MATN1: variants seen among roughly 807,000 people sequenced by gnomAD.
MATN1 encodes the protein matrilin 1.
In MATN1, 34 loss-of-function variants were observed where a neutral mutation model predicts 41.3. The observed-to-expected ratio is 0.82, with a 90% confidence interval of 0.63 to 1.10. The LOEUF is 1.10. Ranked by LOEUF, MATN1 falls within the 50% of genes least tolerant of loss-of-function variation. The pLI is 0.00. For missense variants in MATN1, 602 were observed against 662.4 expected, an observed-to-expected ratio of 0.91 and a Z score of 1.00; for synonymous variants, 264 against 278.7, an observed-to-expected ratio of 0.95 and a Z score of 0.53.
rs189573174 is a variant in MATN1 at position 30,715,015 on chromosome 1, G to A, written c.1360+142C>T. 1.2e-3 allele frequency: 1,089 copies of A among 902,900 alleles called. 6 individuals carry two copies. In the African/African-American group the frequency reaches 0.016, roughly 14 times the overall value. 55.9% of individuals were successfully genotyped at this position (902,900 alleles called of 1,614,324 possible). On this transcript the variant is annotated intron_variant, in intron 6 of 7. Coordinates refer to ENST00000373765, the MANE Select transcript of MATN1 (RefSeq NM_002379.3). ...TTTGCTGGTAGTAAGAGCTGTAAGC[G>A]CCAGCCCACCTTCTGGTTCTGCCAA...
chr1:30,721,770 G>C lies in MATN1; in HGVS notation c.95-19C>G, dbSNP rs757539754. On this transcript the variant is annotated intron_variant, in intron 1 of 7. Coordinates refer to ENST00000373765, the MANE Select transcript of MATN1 (RefSeq NM_002379.3). ...AGATGGCCTGGGAGTGGGGCAGGAG[G>C]GGTAAGGCAGAGAGCAGAGACACAG... 1 of 1,588,806 alleles carries C rather than the reference G, an allele frequency of 6.3e-7. No homozygotes were observed. Among genetic ancestry groups the C allele is most frequent in the South Asian group, 1.1e-5 (1 of 90,092 alleles).
At chr1:30,714,399 A>G (rs1639590976) in intron 6 of MATN1, 72 bp from the exon 7 acceptor site, 1 of 1,259,488 alleles carries the variant, frequency 7.9e-7, no homozygotes, top group African/African-American at 1.5e-5. Flanking sequence ...GAGGACAGTC[A>G]CTGCCCAGGG....
Position 30,715,168 on chromosome 1 carries a change from T to G in MATN1, c.1349A>C (p.Lys450Thr). 6.2e-7 allele frequency: 1 copy of G among 1,614,098 alleles called. No individual in the cohort carries two copies. Among genetic ancestry groups the G allele is most frequent in the Non-Finnish European group, 8.5e-7 (1 of 1,179,940 alleles). Residue 450 changes from lysine (K) to threonine (T), a missense_variant, in exon 6 of 8, where the codon AAG (lysine) becomes ACG (threonine). Physicochemically the swap from Lys to Thr is moderately conservative, Grantham distance 78 (BLOSUM62 -1). Transcript: ENST00000373765. ...INQIGKKLQK[K>T]ICVEEDPCAC... ...CTGGCCTCACTCACCCACACAGATC[T>G]TCTTCTGCAACTTCTTGCCTATCTG...
Position 30,719,364 on chromosome 1 carries a change from G to A in MATN1, c.442-407C>T, listed in dbSNP as rs375474545. The A allele has an allele frequency of 4.0e-4, 79 of 199,800 alleles. 1 individual carries two copies. Among genetic ancestry groups the A allele is most frequent in the African/African-American group, 1.8e-3 (77 of 43,254 alleles). 12.4% of individuals were successfully genotyped at this position (199,800 alleles called of 1,614,324 possible). On this transcript the variant is annotated intron_variant, in intron 2 of 7. Coordinates refer to ENST00000373765, the MANE Select transcript of MATN1 (RefSeq NM_002379.3). Reference sequence around the variant, plus strand: ...CGGGGCTGGGTGGGGGGATCCGGTGGTTCCACATGGTGCAGTTCTGCGCTT... The same window carrying A: ...CGGGGCTGGGTGGGGGGATCCGGTGATTCCACATGGTGCAGTTCTGCGCTT...
At chr1:30,713,762 C>T (rs534231797) in intron 7 of MATN1, 131 bp from the exon 8 acceptor site, 1 of 746,158 alleles carries the variant, frequency 1.3e-6, no homozygotes, top group African/African-American at 1.7e-5. Flanking sequence ...TATCCATCCA[C>T]TGTCCTCAGA....
intron 3 of MATN1, among the ~76,000 whole-genome samples, chr1:30,717,381 T>C (rs754978433): frequency 2.0e-5 from 3 of 152,156 alleles, no homozygotes; most frequent in Non-Finnish European, 2.9e-5. Context: ...GATCCTGTCC[T>C]ACTGGACACC....
rs1313803150 is a variant in MATN1, at chr1:30,712,709, C to G, written c.*873G>C. 1 of 152,226 alleles carries G rather than the reference C, an allele frequency of 6.6e-6. No homozygotes were observed. Among genetic ancestry groups the G allele is most frequent in the Admixed American group, 6.5e-5 (1 of 15,280 alleles). The allele number at this position is 152,226 out of a possible 1,614,324, so 9.4% of individuals were successfully genotyped here. A position where few individuals can be genotyped will look rare whatever the true frequency, so the allele number is the denominator to read the frequency against. On this transcript the variant is annotated 3_prime_UTR_variant, in exon 8 of 8. Transcript: ENST00000373765. ...GTCTGTCTCATACAGCACCATCCCC[C>G]CCCACCGCCATTGCCCTGTAAGTAC...
chr1:30,717,641 G>GTTTT lies in MATN1; in HGVS notation c.665-727_665-726insAAAA, dbSNP rs1557450696. The stretch of plus-strand genomic sequence containing the variant: ...GGGCTCTGTTGTTTTTTGTGTGTGC[G>GTTTT]GTTTTTTTTTTTGTTTTGTTTTTTT... On this transcript the variant is annotated intron_variant, in intron 3 of 7. Transcript: ENST00000373765. Among the ~76,000 whole-genome samples the GTTTT allele has an allele frequency of 2.7e-3, 364 of 136,766 alleles. 4 individuals are homozygous for GTTTT. The highest frequency in any genetic ancestry group is 0.01 in the African/African-American group (348 of 33,862). 89.7% of individuals were successfully genotyped at this position (136,766 alleles called of 152,430 possible).
Position 30,713,295 on chromosome 1 carries a change from C to T in MATN1, c.*287G>A. The T allele has an allele frequency of 2.3e-6, 1 of 434,168 alleles. No homozygotes were observed. The highest frequency in any genetic ancestry group is 3.4e-5 in the East Asian group (1 of 29,496). 26.9% of individuals were successfully genotyped at this position (434,168 alleles called of 1,614,324 possible). A position where few individuals can be genotyped will look rare whatever the true frequency, so the allele number is the denominator to read the frequency against. ...GCTTTTGATTATAAAAATGCAAACG[C>T]AGTCCCTCTCACACTCACCCCTGCA... On this transcript the variant is annotated 3_prime_UTR_variant, in exon 8 of 8. Coordinates refer to ENST00000373765, the MANE Select transcript of MATN1 (RefSeq NM_002379.3).
chr1:30,715,633 T>C (rs1004322158), intron 5 of MATN1, among the ~76,000 whole-genome samples: 1 of 152,160 alleles, frequency 6.6e-6, no homozygotes, highest in African/African-American at 2.4e-5. Context: ...CAAAGTAGAG[T>C]TGCCTTCCAA....
Position 30,721,517 on chromosome 1 carries a change from C to T in MATN1, c.329G>A (p.Arg110His), listed in dbSNP as rs753382455. 32 of 1,613,118 alleles carry T rather than the reference C, an allele frequency of 2.0e-5. No individual in the cohort carries two copies. The highest frequency in any genetic ancestry group is 1.6e-4 in the Middle Eastern group (1 of 6,084). Residue 110 changes from arginine (R) to histidine (H), a missense_variant, in exon 2 of 8, where the codon CGT becomes CAT. Arg to His is a conservative substitution (Grantham distance 29, BLOSUM62 0). Transcript: ENST00000373765. The part of the protein sequence containing the change: ...SKAALLQAVR[R>H]IQPLSTGTMT... ...GGTGCCTGTGGACAGCGGCTGGATA[C>T]GGCGCACAGCCTGCAGCAGTGCGGC... is the stretch of plus-strand genomic sequence containing the variant.
At chr1:30,717,164 C>G (rs1639628597) in intron 3 of MATN1, among the ~76,000 whole-genome samples, 1 of 152,226 alleles carries the variant, frequency 6.6e-6, no homozygotes, top group South Asian at 2.1e-4. Flanking sequence ...AGGTAAAGGC[C>G]AAGGGTTAGG....
At chr1:30,718,675 G>C (rs925884205) in intron 3 of MATN1, 60 bp downstream of exon 3, 113 of 1,021,318 alleles carry the variant, frequency 1.1e-4, no homozygotes, top group Non-Finnish European at 1.2e-4. Context: ...CCCTGGCCCC[G>C]CCCCGCCGCT....
intron 1 of MATN1, 44 bp from the exon 2 acceptor site, chr1:30,721,795 G>C (rs372828701): frequency 1.2e-4 from 189 of 1,513,866 alleles, no homozygotes; most frequent in Non-Finnish European, 1.5e-4. Flanking sequence ...CAGAGACACA[G>C]GTCAGGGACT....
In MATN1 at chr1:30,715,152, C is replaced by A. The variant is rs371995903; in HGVS notation, c.1360+5G>T. On this transcript the variant is annotated splice_donor_5th_base_variant and intron_variant, in intron 6 of 7. Coordinates refer to ENST00000373765, the MANE Select transcript of MATN1 (RefSeq NM_002379.3). Reference sequence around the variant, plus strand: ...CCCATCAATGCCAGCCCTGGCCTCACTCACCCACACAGATCTTCTTCTGCA... The same window carrying A: ...CCCATCAATGCCAGCCCTGGCCTCAATCACCCACACAGATCTTCTTCTGCA... 6.2e-7 allele frequency: 1 copy of A among 1,614,036 alleles called. No homozygotes were observed. The highest frequency in any genetic ancestry group is 2.2e-5 in the East Asian group (1 of 44,880).
At chr1:30,713,935 C>T (rs1639585621) in intron 7 of MATN1, 6 of 578,956 alleles carry the variant, frequency 1.0e-5, no homozygotes, top group South Asian at 4.2e-5. Flanking sequence ...GGGTCAGGCA[C>T]GTCACCATGA....
In MATN1 at chr1:30,718,825, C is replaced by A; in HGVS notation, c.574G>T (p.Ala192Ser). The A allele has an allele frequency of 6.2e-7, 1 of 1,609,578 alleles. No homozygotes were observed. Among genetic ancestry groups the A allele is most frequent in the Non-Finnish European group, 8.5e-7 (1 of 1,178,856 alleles). The part of the protein sequence containing the change: ...SVDKATLRQI[A>S]SEPQDEHVDY... ...ACGTGTTCGTCCTGCGGCTCGCTGG[C>A]GATCTGCCGCAGCGTGGCCTTGTCC... The change falls in exon 3 of 8, where the codon GCC (alanine) becomes TCC (serine). Residue 192 changes from alanine to serine, a missense_variant. Transcript: ENST00000373765.
At chr1:30,718,297 G>C (rs1369759120) in intron 3 of MATN1, among the ~76,000 whole-genome samples, 1 of 149,522 alleles carries the variant, frequency 6.7e-6, no homozygotes, top group East Asian at 2.0e-4. Flanking sequence ...CTCAGTCTCT[G>C]CGCCTGCCAC....
Position 30,721,387 on chromosome 1 carries a change from A to T in MATN1, c.441+18T>A. The T allele has an allele frequency of 6.3e-7, 1 of 1,591,198 alleles. No individual in the cohort carries two copies. The highest frequency in any genetic ancestry group is 8.6e-7 in the Non-Finnish European group (1 of 1,163,348). On this transcript the variant is annotated intron_variant, in intron 2 of 7. Coordinates refer to ENST00000373765, the MANE Select transcript of MATN1 (RefSeq NM_002379.3). The stretch of plus-strand genomic sequence containing the variant: ...AGCCTCCAAACAGCAGCATCCTAGC[A>T]GGGTGGCGTGCACGTACCTTGCTGA...
Sources: gnomAD v4.1 joint callset for allele counts (sites outside exome capture counted in the v4.1 genomes callset) on GRCh38, gnomAD v4.1.1 for gene constraint, MANE v1.5 for transcripts, NCBI Gene and HGNC (gene_info 2026-07-23, HGNC 2026-07-21) for gene names.